PER3: variants seen among roughly 807,000 people sequenced by gnomAD.
The protein encoded by PER3 is period circadian protein homolog 3.
In PER3, 107 loss-of-function variants were observed where a neutral mutation model predicts 127.2. That is an observed-to-expected ratio of 0.84 (90% CI 0.72 to 0.99). The LOEUF (loss-of-function observed/expected upper bound fraction) is 0.99, where lower values mean the gene tolerates loss of function less well. Ranked by LOEUF, PER3 falls within the 50% of genes least tolerant of loss-of-function variation. PER3 has a pLI of 0.00. For synonymous variants in PER3, 618 were observed against 585.8 expected (o/e 1.05, Z -0.79); for missense variants, 1,560 against 1,525.8 (o/e 1.02, Z -0.37).
intron 5 of PER3, among the ~76,000 whole-genome samples, chr1:7,790,193 T>C (rs1196065360): frequency 6.6e-6 from 1 of 152,204 alleles, no homozygotes; most frequent in Non-Finnish European, 1.5e-5. Context: ...ATTCTTACGC[T>C]GCTATAAAGA....
At chr1:7,808,752 G>C (rs1050405655) in intron 10 of PER3, 141 bp from the exon 11 acceptor site, 3 of 628,494 alleles carry the variant, frequency 4.8e-6, no homozygotes, top group African/African-American at 3.8e-5. Flanking sequence ...TTCATGAATA[G>C]AATTCTAGCC....
At chr1:7,825,092 C>G (rs1036774945) in intron 16 of PER3, among the ~76,000 whole-genome samples, 1 of 151,172 alleles carries the variant, frequency 6.6e-6, no homozygotes, top group African/African-American at 2.4e-5. Flanking sequence ...GTTACTACAA[C>G]TTGGCCAGAA....
chr1:7,808,880 G>T lies in PER3; in HGVS notation c.1137-13G>T, dbSNP rs370922869. The T allele has an allele frequency of 6.7e-4, 917 of 1,369,106 alleles. No homozygotes were observed. Among genetic ancestry groups the T allele is most frequent in the Non-Finnish European group, 9.0e-4 (865 of 957,826 alleles). The allele number at this position is 1,369,106 out of a possible 1,614,324, so 84.8% of individuals were successfully genotyped here. Reference sequence around the variant, plus strand: ...AAATTGTTTGACTCAGTCTCTCACTGGGCATTTTCTAGGAGCCCACTAAAT... The same window carrying T: ...AAATTGTTTGACTCAGTCTCTCACTTGGCATTTTCTAGGAGCCCACTAAAT... On this transcript the variant is annotated splice_polypyrimidine_tract_variant and intron_variant, in intron 10 of 21. Coordinates refer to ENST00000377532, the MANE Select transcript of PER3 (RefSeq NM_001377275.1).
At chr1:7,813,558 A>G (rs940192078) in intron 13 of PER3, among the ~76,000 whole-genome samples, 4 of 152,218 alleles carry the variant, frequency 2.6e-5, no homozygotes, top group Non-Finnish European at 5.9e-5. Flanking sequence ...AGGAAAGACC[A>G]AAAGCTGAAA....
rs897049309 is a variant in PER3, at chr1:7,832,360, T to G, written c.3214+2199T>G. ...TTTTTGGTTTTTTATTTTATTGATT[T>G]ATGCTCTTTTTTTTTTTTTTTTTTT... On this transcript the variant is annotated intron_variant, in intron 19 of 21. Transcript: ENST00000377532. Among the ~76,000 whole-genome samples, 137 of 142,032 alleles carry G rather than the reference T, an allele frequency of 9.6e-4. 1 individual carries two copies. The highest frequency in any genetic ancestry group is 1.0e-3 in the Non-Finnish European group (68 of 66,776). 93.2% of individuals were successfully genotyped at this position (142,032 alleles called of 152,430 possible). A position where few individuals can be genotyped will look rare whatever the true frequency, so the allele number is the denominator to read the frequency against.
intron 3 of PER3, 83 bp from the exon 4 acceptor site, chr1:7,786,637 AT>A: frequency 4.0e-6 from 3 of 746,006 alleles, no homozygotes; most frequent in Non-Finnish European, 7.2e-6. Context: ...TCCGAAAAAA[AT>A]AATCCAGCTT....
At chr1:7,838,811 C>T (rs1447112567) in intron 21 of PER3, among the ~76,000 whole-genome samples, 1 of 152,212 alleles carries the variant, frequency 6.6e-6, no homozygotes, top group Non-Finnish European at 1.5e-5. Flanking sequence ...CTTTTTACAT[C>T]CTTTCACTTT....
chr1:7,808,914 T>C lies in PER3; in HGVS notation c.1158T>C (p.Val386=), dbSNP rs924225572. ...CTAGGAGCCCACTAAATGAGGATGT[T>C]TTTGCTACCAAAATTAAAAAGATGA... is the stretch of plus-strand genomic sequence containing the variant. ...KVRTSPLNED[V]FATKIKKMND... is the part of the protein sequence containing the mutation. Residue 386 remains valine (V), a synonymous_variant, in exon 11 of 22, where the codon GTT becomes GTC. Transcript: ENST00000377532. The C allele has an allele frequency of 1.0e-5, 16 of 1,596,584 alleles. No homozygotes were observed. Among genetic ancestry groups the C allele is most frequent in the Middle Eastern group, 1.7e-4 (1 of 5,948 alleles).
intron 19 of PER3, among the ~76,000 whole-genome samples, chr1:7,833,732 T>C (rs1250893883): frequency 6.6e-6 from 1 of 152,208 alleles, no homozygotes; most frequent in Non-Finnish European, 1.5e-5. Flanking sequence ...ATTATTTACA[T>C]TTAATGTGAA....
intron 10 of PER3, 87 bp downstream of exon 10, chr1:7,803,935 G>A: frequency 9.4e-7 from 1 of 1,067,520 alleles, no homozygotes; most frequent in Non-Finnish European, 1.4e-6. Context: ...TGACTCAATT[G>A]ACACATAAAC....
chr1:7,787,613 T>C (rs1264559028), intron 4 of PER3: 1 of 299,254 alleles, frequency 3.3e-6, no homozygotes, highest in African/African-American at 2.2e-5. Flanking sequence ...GTTTCATTTA[T>C]GTGTAATGGA....
intron 13 of PER3, among the ~76,000 whole-genome samples, chr1:7,812,120 C>T (rs2097221564): frequency 2.6e-5 from 4 of 152,190 alleles, no homozygotes; most frequent in African/African-American, 7.2e-5. Flanking sequence ...TAGTCCTGCT[C>T]ACAGCTGCCT....
chr1:7,815,802 G>A lies in PER3; in HGVS notation c.1523-3483G>A, dbSNP rs541244632. Among the ~76,000 whole-genome samples, 10 of 151,156 alleles carry A rather than the reference G, an allele frequency of 6.6e-5. No homozygotes were observed. In the South Asian group the frequency reaches 1.3e-3, roughly 19 times the overall value. The stretch of plus-strand genomic sequence containing the variant: ...AGATCGAGACCATCCTGGCTAACAC[G>A]GTGAAACTCTGTCTCGACTAAAAAT... On this transcript the variant is annotated intron_variant, in intron 13 of 21. Transcript: ENST00000377532.
chr1:7,792,722 T>C (rs2097127654), intron 5 of PER3, among the ~76,000 whole-genome samples: 4 of 152,224 alleles, frequency 2.6e-5, no homozygotes, highest in African/African-American at 9.6e-5. Context: ...TGTATTAGAA[T>C]ATGTTTCTAT....
intron 13 of PER3, among the ~76,000 whole-genome samples, chr1:7,813,001 G>T (rs1017219698): frequency 6.6e-6 from 1 of 152,152 alleles, no homozygotes; most frequent in African/African-American, 2.4e-5. Flanking sequence ...CATGATCATT[G>T]TTTACATGTG....
At chr1:7,785,707 G>A (rs1183861597) in intron 3 of PER3, 121 bp downstream of exon 3, 1 of 765,802 alleles carries the variant, frequency 1.3e-6, no homozygotes, top group Non-Finnish European at 2.2e-6. Flanking sequence ...GGTGCTTTGT[G>A]GAAGATGAGC....
intron 5 of PER3, among the ~76,000 whole-genome samples, chr1:7,789,458 A>G (rs1039211598): frequency 1.3e-5 from 2 of 152,206 alleles, no homozygotes; most frequent in Admixed American, 6.5e-5. Context: ...GCTGCCGTCC[A>G]TGTAAGATGT....
intron 8 of PER3, among the ~76,000 whole-genome samples, chr1:7,801,506 C>A (rs909277883): frequency 6.6e-6 from 1 of 152,180 alleles, no homozygotes; most frequent in African/African-American, 2.4e-5. Flanking sequence ...TATCTGATTG[C>A]GCTCAAACTG....
At chr1:7,798,867 T>C (rs1184840988) in intron 7 of PER3, among the ~76,000 whole-genome samples, 194 bp downstream of exon 7, 1 of 152,204 alleles carries the variant, frequency 6.6e-6, no homozygotes, top group African/African-American at 2.4e-5. Flanking sequence ...AGTCATTGTC[T>C]TCATGGTCAG....
Sources: gnomAD v4.1 joint callset for allele counts (sites outside exome capture counted in the v4.1 genomes callset) on GRCh38, gnomAD v4.1.1 for gene constraint, MANE v1.5 for transcripts, NCBI Gene and HGNC (gene_info 2026-07-23, HGNC 2026-07-21) for gene names.